The following PTPRJ variants were observed in gnomAD, a reference collection of about 807,000 sequenced individuals.
The protein encoded by PTPRJ is receptor-type tyrosine-protein phosphatase eta.
A neutral mutation model predicts 141.3 loss-of-function variants in PTPRJ; 129 were observed. That is an observed-to-expected ratio of 0.91 (90% CI 0.79 to 1.06). PTPRJ has a LOEUF of 1.06. PTPRJ is among the 50% of genes least tolerant of loss of function. The probability of loss-of-function intolerance (pLI) is 0.00; values close to 1 mark genes in which losing one functional copy is unlikely to be tolerated. For synonymous variants in PTPRJ, 610 were observed against 640.5 expected (o/e 0.95, Z 0.72); for missense variants, 1,601 against 1,679.7 (o/e 0.95, Z 0.82).
intron 1 of PTPRJ, among the ~76,000 whole-genome samples, chr11:48,021,426 AAAATAAAAT>A (rs1283178609): frequency 6.0e-5 from 9 of 149,228 alleles, no homozygotes; most frequent in African/African-American, 2.2e-4. Context: ...TAAATAAAAT[AAAATAAAAT>A]AAATAAAAAA....
intron 1 of PTPRJ, among the ~76,000 whole-genome samples, chr11:48,072,080 A>AT (rs1855275601): frequency 6.7e-6 from 1 of 149,166 alleles, no homozygotes; most frequent in African/African-American, 2.5e-5. Context: ...TAATTTTTGT[A>AT]TTTTTGTACA....
At chr11:48,145,556 A>G (rs1380977645) in intron 14 of PTPRJ, among the ~76,000 whole-genome samples, 1 of 74,574 alleles carries the variant, frequency 1.3e-5, no homozygotes, top group African/African-American at 4.2e-5. Context: ...ATTTTATTTT[A>G]TGTTTTTTTT....
chr11:47,981,752 C>A (rs992189047), intron 1 of PTPRJ, among the ~76,000 whole-genome samples: 3 of 152,188 alleles, frequency 2.0e-5, no homozygotes, highest in African/African-American at 7.2e-5. Flanking sequence ...GACCTTTCCC[C>A]TTCCTGGCAT....
intron 1 of PTPRJ, among the ~76,000 whole-genome samples, chr11:48,056,788 A>G (rs1227689325): frequency 2.0e-5 from 3 of 152,180 alleles, no homozygotes; most frequent in Admixed American, 6.5e-5. Context: ...CCCCGTCTCT[A>G]CTAAAATACA....
chr11:48,116,322 A>G (rs1302179574), intron 3 of PTPRJ, among the ~76,000 whole-genome samples: 1 of 152,222 alleles, frequency 6.6e-6, no homozygotes, highest in Non-Finnish European at 1.5e-5. Flanking sequence ...TTTAATGGAG[A>G]CAACAAACAT....
At chr11:48,119,284 A>T (rs974276356) in intron 3 of PTPRJ, among the ~76,000 whole-genome samples, 1 of 152,210 alleles carries the variant, frequency 6.6e-6, no homozygotes, top group Non-Finnish European at 1.5e-5. Flanking sequence ...CACTTTATAA[A>T]GAGGAAATTC....
intron 3 of PTPRJ, 40 bp from the exon 4 acceptor site, chr11:48,120,963 T>C: frequency 2.0e-6 from 3 of 1,486,876 alleles, no homozygotes; most frequent in Middle Eastern, 1.8e-4. Context: ...ACATTTCTTT[T>C]TGAAGTGCAA....
intron 1 of PTPRJ, among the ~76,000 whole-genome samples, chr11:48,052,421 G>T (rs911608507): frequency 2.6e-5 from 4 of 152,194 alleles, no homozygotes; most frequent in African/African-American, 9.7e-5. Context: ...GCCCAGGGGT[G>T]GCCTCACCCG....
intron 2 of PTPRJ, among the ~76,000 whole-genome samples, chr11:48,112,432 A>G (rs1473307647): frequency 6.6e-6 from 1 of 152,224 alleles, no homozygotes; most frequent in African/African-American, 2.4e-5. Context: ...TAAAGCAGCC[A>G]GTGTGGCCAA....
chr11:48,148,440 A>AT (rs879923314), intron 15 of PTPRJ, among the ~76,000 whole-genome samples: 2,661 of 143,848 alleles, frequency 0.018, 88 homozygotes, highest in African/African-American at 0.061. Flanking sequence ...TTTCATCACA[A>AT]TTTTTTTTTT....
At position 48,123,628 on chromosome 11, in the gene PTPRJ, C is replaced by T; in HGVS notation, c.632C>T (p.Ser211Phe). 1 of 1,613,042 alleles carries T rather than the reference C, an allele frequency of 6.2e-7. No homozygotes were observed. Among genetic ancestry groups the T allele is most frequent in the Non-Finnish European group, 8.5e-7 (1 of 1,179,554 alleles). The change falls in exon 5 of 25, where the codon TCT (serine) becomes TTT (phenylalanine). Residue 211 changes from serine to phenylalanine, a missense_variant. Ser to Phe is a radical substitution (Grantham distance 155). Coordinates refer to ENST00000418331, the MANE Select transcript of PTPRJ (RefSeq NM_002843.4). Reference protein sequence around the residue: ...IKVITEPIPVSDLRVALTGVR... With the variant: ...IKVITEPIPVFDLRVALTGVR... Reference sequence around the variant, plus strand: ...TTTAAAATAGAGCCGATCCCAGTTTCTGATCTCCGTGTTGCCCTCACGGGT... The same window carrying T: ...TTTAAAATAGAGCCGATCCCAGTTTTTGATCTCCGTGTTGCCCTCACGGGT...
intron 1 of PTPRJ, among the ~76,000 whole-genome samples, chr11:48,108,624 A>G (rs1322987197): frequency 6.6e-6 from 1 of 152,182 alleles, no homozygotes; most frequent in East Asian, 1.9e-4. Context: ...ACTGGGCAAA[A>G]AAATGTTTGC....
chr11:48,086,216 C>G (rs1855704545), intron 1 of PTPRJ, among the ~76,000 whole-genome samples: 1 of 152,168 alleles, frequency 6.6e-6, no homozygotes, highest in South Asian at 2.1e-4. Context: ...CTCTGTCGCC[C>G]AGGCTGGAGT....
chr11:48,144,357 C>T (rs902123257), intron 12 of PTPRJ, among the ~76,000 whole-genome samples: 6 of 152,212 alleles, frequency 3.9e-5, no homozygotes, highest in Admixed American at 1.3e-4. Flanking sequence ...GCTCTGAGCC[C>T]GATGCCCTGG....
intron 1 of PTPRJ, among the ~76,000 whole-genome samples, chr11:48,095,272 G>C (rs1855974171): frequency 6.6e-6 from 1 of 152,222 alleles, no homozygotes; most frequent in East Asian, 1.9e-4. Flanking sequence ...TGTTTTATTA[G>C]ATGGCAAAGA....
chr11:48,054,671 C>T lies in PTPRJ; in HGVS notation c.97-55387C>T, dbSNP rs142415378. On this transcript the variant is annotated intron_variant, in intron 1 of 24. Coordinates refer to ENST00000418331, the MANE Select transcript of PTPRJ (RefSeq NM_002843.4). ...GCCAGGCCTCTCACAGTGTGGCCCC[C>T]GGGATTCCCTTTTATGAAAAAAAGT... Among the ~76,000 whole-genome samples the T allele has an allele frequency of 1.8e-3, 267 of 152,038 alleles. 1 individual carries two copies. The highest frequency in any genetic ancestry group is 3.3e-3 in the Non-Finnish European group (225 of 67,970).
chr11:47,983,693 G>A (rs1320763614), intron 1 of PTPRJ, among the ~76,000 whole-genome samples: 1 of 152,130 alleles, frequency 6.6e-6, no homozygotes, highest in Non-Finnish European at 1.5e-5. Flanking sequence ...TGGTTTGTGT[G>A]TATGTTTTAG....
At chr11:48,069,445 ATTTTTT>A (rs35405916) in intron 1 of PTPRJ, among the ~76,000 whole-genome samples, 1 of 121,318 alleles carries the variant, frequency 8.2e-6, no homozygotes, top group African/African-American at 3.2e-5. Flanking sequence ...TACATTGATA[ATTTTTT>A]TTTTTTTTTT....
intron 8 of PTPRJ, chr11:48,131,702 G>A (rs1347180134): frequency 4.6e-5 from 24 of 519,856 alleles, no homozygotes; most frequent in East Asian, 9.5e-5. Flanking sequence ...AGCAGAGAAC[G>A]TGTGGCTTGT....
Sources: gnomAD v4.1 joint callset for allele counts (sites outside exome capture counted in the v4.1 genomes callset) on GRCh38, gnomAD v4.1.1 for gene constraint, MANE v1.5 for transcripts, NCBI Gene and HGNC (gene_info 2026-07-23, HGNC 2026-07-21) for gene names.